SLC20A2: variants seen among roughly 807,000 people sequenced by gnomAD.
SLC20A2 encodes the protein sodium-dependent phosphate transporter 2.
A neutral mutation model predicts 61.0 loss-of-function variants in SLC20A2; 30 were observed. That is an observed-to-expected ratio of 0.49 (90% confidence interval 0.37 to 0.67). SLC20A2 has a LOEUF of 0.67. SLC20A2 is among the 30% of genes least tolerant of loss of function. SLC20A2 has a pLI of 0.00. For synonymous variants in SLC20A2, 351 were observed against 353.3 expected (o/e 0.99, Z 0.07); for missense variants, 626 against 866.4 (o/e 0.72, Z 3.48).
intron 5 of SLC20A2, among the ~76,000 whole-genome samples, chr8:42,452,256 G>A (rs1410877281): frequency 1.3e-5 from 2 of 148,206 alleles, no homozygotes; most frequent in Admixed American, 6.7e-5. Context: ...AAGTGGAGGA[G>A]GAAGAGATAG....
chr8:42,418,509 C>G (rs938165029), intron 10 of SLC20A2, among the ~76,000 whole-genome samples: 6 of 152,086 alleles, frequency 3.9e-5, no homozygotes, highest in African/African-American at 1.4e-4. Context: ...GTCTCAGCCT[C>G]CTGAGTAGGT....
At chr8:42,457,701 G>C (rs1394204671) in intron 5 of SLC20A2, among the ~76,000 whole-genome samples, 1 of 152,022 alleles carries the variant, frequency 6.6e-6, no homozygotes, top group African/African-American at 2.4e-5. Flanking sequence ...TGGCCAGGAT[G>C]GTCTTGATCT....
At chr8:42,418,716 C>T (rs1020028392) in intron 10 of SLC20A2, among the ~76,000 whole-genome samples, 6 of 151,188 alleles carry the variant, frequency 4.0e-5, no homozygotes, top group East Asian at 2.0e-4. Flanking sequence ...ATAATATTCC[C>T]GGCCGTGCGC....
chr8:42,436,795 T>G (rs2131001915), intron 8 of SLC20A2, among the ~76,000 whole-genome samples, 194 bp downstream of exon 8: 1 of 152,336 alleles, frequency 6.6e-6, no homozygotes, highest in South Asian at 2.1e-4. Flanking sequence ...TCTATCTACC[T>G]TACTTTCCTG....
chr8:42,419,381 C>G (rs1156391152), intron 10 of SLC20A2, among the ~76,000 whole-genome samples: 2 of 151,830 alleles, frequency 1.3e-5, no homozygotes, highest in African/African-American at 4.8e-5. Context: ...ACCAGCCTGA[C>G]CAACATGGTG....
chr8:42,460,700 T>A (rs1270411301), intron 4 of SLC20A2, among the ~76,000 whole-genome samples: 1 of 152,190 alleles, frequency 6.6e-6, no homozygotes, highest in Non-Finnish European at 1.5e-5. Context: ...ACACGAATGG[T>A]ACTGCGCATG....
intron 8 of SLC20A2, 117 bp downstream of exon 8, chr8:42,436,872 A>G (rs1804306718): frequency 7.6e-6 from 7 of 918,906 alleles, no homozygotes; most frequent in Admixed American, 2.8e-5. Flanking sequence ...GCGCACCCCT[A>G]TCCCTGGCAG....
intron 1 of SLC20A2, among the ~76,000 whole-genome samples, chr8:42,475,072 G>A (rs1430799646): frequency 6.6e-6 from 1 of 152,012 alleles, no homozygotes. Flanking sequence ...GGGTGCCACC[G>A]AAGGGTTTTA....
At chr8:42,466,324 G>C (rs1167608298) in intron 2 of SLC20A2, among the ~76,000 whole-genome samples, 1 of 152,168 alleles carries the variant, frequency 6.6e-6, no homozygotes, top group East Asian at 1.9e-4. Context: ...AACCTCAAGT[G>C]ATCTACCCGC....
rs374329734 is a variant in SLC20A2, at chr8:42,428,851, G to A, written c.1710-9C>T. 6.3e-7 allele frequency: 1 copy of A among 1,580,652 alleles called. No individual in the cohort carries two copies. The highest frequency in any genetic ancestry group is 8.6e-7 in the Non-Finnish European group (1 of 1,164,308). ...GCTCGATCGTGAAGCCGCTGTGGGG[G>A]GAGCATGAGACACGTCACAGGTGCC... On this transcript the variant is annotated splice_polypyrimidine_tract_variant and intron_variant, in intron 9 of 10. Transcript: ENST00000520262.
At chr8:42,438,969 G>A (rs112098074) in intron 7 of SLC20A2, among the ~76,000 whole-genome samples, 7,431 of 152,152 alleles carry the variant, frequency 0.049, 550 homozygotes, top group African/African-American at 0.16. Context: ...CATCCACCTC[G>A]GCCTCCCAAA....
In SLC20A2 at chr8:42,510,811, A is replaced by G. The variant is rs144177031; in HGVS notation, c.-265+31010T>C. 1.4e-4 allele frequency among the ~76,000 whole-genome samples: 22 copies of G among 152,178 alleles called. 1 individual carries two copies. The East Asian group carries it at 4.2e-3, about 29-fold the overall frequency. ...ACCTTCTAGGAATGTTGCAAAAATG[A>G]CTCAATGCACATAAAGCACTTACAA... On this transcript the variant is annotated intron_variant, in intron 1 of 10. Coordinates refer to the SLC20A2 transcript ENST00000342228.
At position 42,521,214 on chromosome 8, in the gene SLC20A2, AC is replaced by A. The variant is rs1250339065; in HGVS notation, c.-265+20606del. ...AAATAACCCAAATGTCCTTCAATGG[AC>A]AAATGGCTAGGCTGTGGTATACCTG... On this transcript the variant is annotated intron_variant, in intron 1 of 10. Coordinates refer to the SLC20A2 transcript ENST00000342228. Among the ~76,000 whole-genome samples, 5 of 121,688 alleles carry A rather than the reference AC, an allele frequency of 4.1e-5. 2 individuals are homozygous for A. In the East Asian group the frequency reaches 1.3e-3, roughly 32 times the overall value. 79.8% of individuals were successfully genotyped at this position (121,688 alleles called of 152,430 possible).
chr8:42,535,276 A>C (rs1397135638), intron 1 of SLC20A2: 1 of 152,140 alleles, frequency 6.6e-6, no homozygotes, highest in Non-Finnish European at 1.5e-5. Flanking sequence ...TCTGCTGCAG[A>C]CATGCTGAAA....
Position 42,417,895 on chromosome 8 carries a change from A to G in SLC20A2, c.1867T>C (p.Phe623Leu). Residue 623 changes from phenylalanine (F) to leucine (L), a missense_variant, in exon 11 of 11, where the codon TTC (phenylalanine) becomes CTC (leucine). Phe to Leu is a conservative substitution (Grantham distance 22). Coordinates refer to ENST00000520262, the MANE Select transcript of SLC20A2 (RefSeq NM_001257180.2). The stretch of plus-strand genomic sequence containing the variant: ...GGGACGGTCACGAACCAGGCCACGA[A>G]GATGTTCCGAAAGAGGCGCCAGTCC... ...AVDWRLFRNIFVAWFVTVPVA... is the reference protein window; with the variant it reads ...AVDWRLFRNILVAWFVTVPVA... 2.5e-6 allele frequency: 4 copies of G among 1,614,070 alleles called. No individual in the cohort carries two copies. The highest frequency in any genetic ancestry group is 3.4e-6 in the Non-Finnish European group (4 of 1,179,984).
intron 1 of SLC20A2, among the ~76,000 whole-genome samples, chr8:42,489,245 T>C (rs1472760486): frequency 8.6e-5 from 13 of 151,832 alleles, no homozygotes; most frequent in Non-Finnish European, 1.8e-4. Context: ...GGCCAGGTTC[T>C]TTTTTTATTT....
intron 1 of SLC20A2, among the ~76,000 whole-genome samples, chr8:42,528,986 A>ATTT (rs1412596878): frequency 9.8e-5 from 14 of 143,038 alleles, no homozygotes; most frequent in South Asian, 9.1e-4. Context: ...TATTATTATT[A>ATTT]TTTTTTGAGA....
chr8:42,430,373 T>A, intron 8 of SLC20A2, 124 bp from the exon 9 acceptor site: 1 of 877,270 alleles, frequency 1.1e-6, no homozygotes, highest in Non-Finnish European at 1.7e-6. Context: ...TTTTCTTTCT[T>A]TTTTTTTGAG....
chr8:42,418,158 CTTTATATAGTTGT>C (rs1369290617), intron 10 of SLC20A2, among the ~76,000 whole-genome samples, 191 bp from the exon 11 acceptor site: 17 of 152,144 alleles, frequency 1.1e-4, no homozygotes, highest in Non-Finnish European at 2.1e-4. Flanking sequence ...GCATATAGCT[CTTTATATAGTTGT>C]TTTATATAGT....
Sources: allele counts gnomAD v4.1 joint callset (sites outside exome capture counted in the v4.1 genomes callset), GRCh38; gene constraint gnomAD v4.1.1; transcripts MANE v1.5; gene names NCBI Gene and HGNC (gene_info 2026-07-23, HGNC 2026-07-21).